Variants in CDH4 observed in about 807,000 individuals in gnomAD.
CDH4 encodes cadherin 4, also known as cadherin-4.
CDH4 carries 33 observed loss-of-function variants against 86.0 expected under a neutral mutation model. The observed-to-expected ratio is 0.38, with a 90% CI of 0.29 to 0.51. CDH4 has a LOEUF of 0.51. Among genes scored for constraint, CDH4 ranks in the 20% least tolerant of loss-of-function variants. The pLI is 0.86. For missense variants in CDH4, 1,114 were observed against 1,307.4 expected (o/e 0.85, Z 2.28); for synonymous variants, 555 against 549.4 (o/e 1.01, Z -0.14).
chr20:61,798,934 C>T (rs578169321), intron 4 of CDH4, among the ~76,000 whole-genome samples: 8 of 152,324 alleles, frequency 5.3e-5, no homozygotes, highest in South Asian at 2.1e-4. Flanking sequence ...GGGCTCCTTT[C>T]GCGACACAGG....
At chr20:61,734,706 C>G (rs993029834) in intron 2 of CDH4, among the ~76,000 whole-genome samples, 2 of 150,932 alleles carry the variant, frequency 1.3e-5, no homozygotes, top group Non-Finnish European at 3.0e-5. Flanking sequence ...CCCTCCCAGC[C>G]TGGCATGCTG....
intron 2 of CDH4, among the ~76,000 whole-genome samples, chr20:61,256,960 AACGAGGGC>A (rs1475471568): frequency 1.3e-5 from 2 of 152,238 alleles, no homozygotes; most frequent in Non-Finnish European, 2.9e-5. Context: ...CAGGCACTGA[AACGAGGGC>A]ACAGTGACAT....
rs1210837332 is a variant in CDH4, at chr20:61,304,259, C to G, written c.169+49322C>G. The stretch of plus-strand genomic sequence containing the variant: ...AGCATTTTGGATTGAAGATAGTGGA[C>G]GGCACCCCCCCAACCCCCCGTTCTT... On this transcript the variant is annotated intron_variant, in intron 2 of 15. Coordinates refer to ENST00000614565, the MANE Select transcript of CDH4 (RefSeq NM_001794.5). 8.2e-5 allele frequency among the ~76,000 whole-genome samples: 5 copies of G among 60,886 alleles called. No homozygotes were observed. The South Asian group carries it at 3.3e-3, about 41-fold the overall frequency. The allele number at this position is 60,886 out of a possible 152,430, so 39.9% of individuals were successfully genotyped here.
chr20:61,628,789 T>C (rs2427194), intron 2 of CDH4, among the ~76,000 whole-genome samples: 91,464 of 152,148 alleles, frequency 0.6, 27,727 homozygotes, highest in East Asian at 0.72. Flanking sequence ...TGCCTCTGCA[T>C]CCCAGGTCGT....
intron 3 of CDH4, among the ~76,000 whole-genome samples, chr20:61,748,107 A>G (rs930883347): frequency 2.0e-4 from 30 of 152,078 alleles, no homozygotes; most frequent in African/African-American, 7.2e-4. Context: ...GGGTTGGAAG[A>G]CCGTTCCATT....
chr20:61,571,844 A>T (rs1267430095), intron 2 of CDH4, among the ~76,000 whole-genome samples: 1 of 143,224 alleles, frequency 7.0e-6, no homozygotes, highest in Non-Finnish European at 1.5e-5. Context: ...TGCGCCAGGC[A>T]CCACACCATG....
intron 4 of CDH4, among the ~76,000 whole-genome samples, chr20:61,781,980 A>G (rs1300037731): frequency 2.0e-5 from 3 of 152,216 alleles, no homozygotes; most frequent in African/African-American, 7.2e-5. Context: ...GCTACCAACC[A>G]AGAGTTTTAT....
intron 2 of CDH4, among the ~76,000 whole-genome samples, chr20:61,339,642 T>A (rs2084639262): frequency 6.6e-6 from 1 of 152,196 alleles, no homozygotes; most frequent in African/African-American, 2.4e-5. Flanking sequence ...TGCAGAAAGC[T>A]GTGAGAGTGA....
intron 1 of CDH4, among the ~76,000 whole-genome samples, chr20:61,253,456 C>T (rs1191580441): frequency 6.6e-6 from 1 of 152,016 alleles, no homozygotes; most frequent in African/African-American, 2.4e-5. Context: ...AACCCCCTCT[C>T]GTGGCCGATC....
intron 6 of CDH4, among the ~76,000 whole-genome samples, chr20:61,855,891 C>T (rs1208499341): frequency 1.3e-5 from 2 of 152,196 alleles, no homozygotes; most frequent in Admixed American, 1.3e-4. Context: ...CTCTCAGAGC[C>T]CCTGGGGGAT....
chr20:61,744,698 C>T (rs1036901563), intron 3 of CDH4, among the ~76,000 whole-genome samples: 1 of 152,186 alleles, frequency 6.6e-6, no homozygotes, highest in Non-Finnish European at 1.5e-5. Context: ...CTGGCTCACC[C>T]GGGTGACAGG....
intron 2 of CDH4, among the ~76,000 whole-genome samples, chr20:61,630,058 G>A (rs1002447328): frequency 6.6e-6 from 1 of 152,166 alleles, no homozygotes; most frequent in Admixed American, 6.5e-5. Flanking sequence ...CAGGGAGCCT[G>A]GCAGAGGCAG....
chr20:61,349,181 T>C (rs79893229), intron 2 of CDH4, among the ~76,000 whole-genome samples: 30,089 of 152,066 alleles, frequency 0.2, 2,949 homozygotes, highest in Middle Eastern at 0.35. Context: ...GCAGCCCCGA[T>C]GGACAGGCTG....
intron 2 of CDH4, among the ~76,000 whole-genome samples, chr20:61,502,472 A>G (rs753798249): frequency 3.4e-4 from 51 of 152,220 alleles, no homozygotes; most frequent in Non-Finnish European, 4.8e-4. Context: ...TTGGGTTAAA[A>G]TGTTAAAAAT....
intron 2 of CDH4, among the ~76,000 whole-genome samples, chr20:61,581,759 G>C (rs2086430533): frequency 6.6e-6 from 1 of 152,190 alleles, no homozygotes; most frequent in Non-Finnish European, 1.5e-5. Context: ...GTGTTCCTAG[G>C]TCCTAGGGAT....
At chr20:61,317,179 C>A (rs978270566) in intron 2 of CDH4, among the ~76,000 whole-genome samples, 9 of 152,088 alleles carry the variant, frequency 5.9e-5, no homozygotes, top group Non-Finnish European at 1.3e-4. Flanking sequence ...GAGATCAAGA[C>A]CATCCTGGCT....
chr20:61,253,466 C>A (rs1252127982), intron 1 of CDH4, among the ~76,000 whole-genome samples: 1 of 152,022 alleles, frequency 6.6e-6, no homozygotes, highest in African/African-American at 2.4e-5. Context: ...CGTGGCCGAT[C>A]GGCCTCGCTG....
chr20:61,757,107 G>A (rs996060915), intron 3 of CDH4, among the ~76,000 whole-genome samples: 2 of 152,270 alleles, frequency 1.3e-5, no homozygotes, highest in South Asian at 2.1e-4. Flanking sequence ...TAACCTCCAC[G>A]CTCCTGCAAG....
At chr20:61,932,691 T>G (rs935915746) in intron 13 of CDH4, among the ~76,000 whole-genome samples, 1 of 152,036 alleles carries the variant, frequency 6.6e-6, no homozygotes, top group Non-Finnish European at 1.5e-5. Context: ...AGCACCTACA[T>G]CCACGACTCC....
Sources: allele counts gnomAD v4.1 joint callset (sites outside exome capture counted in the v4.1 genomes callset), GRCh38; gene constraint gnomAD v4.1.1; transcripts MANE v1.5; gene names NCBI Gene and HGNC (gene_info 2026-07-23, HGNC 2026-07-21).